TMC1: variants seen among roughly 807,000 people sequenced by gnomAD.
TMC1 encodes transmembrane channel-like protein 1.
Under a neutral mutation model 105.8 loss-of-function variants are expected in TMC1, and 84 were observed. That is an observed-to-expected ratio of 0.79 (90% confidence interval 0.67 to 0.95). The LOEUF is 0.95. TMC1 is among the 40% of genes least tolerant of loss of function. The probability of loss-of-function intolerance (pLI) is 0.00; values close to 1 mark genes in which losing one functional copy is unlikely to be tolerated. For synonymous variants in TMC1, 315 were observed against 311.5 expected (o/e 1.01, Z -0.12); for missense variants, 817 against 914.1 (o/e 0.89, Z 1.37).
chr9:72,544,936 C>A (rs966409314), intron 1 of TMC1, among the ~76,000 whole-genome samples: 3 of 151,850 alleles, frequency 2.0e-5, no homozygotes, highest in Non-Finnish European at 2.9e-5. Context: ...TATCCTTCAC[C>A]CCCCCAAGTC....
At chr9:72,643,256 A>AT (rs969161476) in intron 4 of TMC1, among the ~76,000 whole-genome samples, 1 of 151,838 alleles carries the variant, frequency 6.6e-6, no homozygotes, top group African/African-American at 2.4e-5. Flanking sequence ...ACATACTCTC[A>AT]TTTGGGCCCA....
intron 23 of TMC1, among the ~76,000 whole-genome samples, chr9:72,833,885 C>T (rs532594049): frequency 8.5e-5 from 13 of 152,092 alleles, no homozygotes; most frequent in Non-Finnish European, 1.6e-4. Context: ...CTAGGGTCTC[C>T]TTATCTGCAT....
intron 5 of TMC1, among the ~76,000 whole-genome samples, chr9:72,666,692 TC>T (rs1432240780): frequency 6.6e-6 from 1 of 152,162 alleles, no homozygotes; most frequent in Non-Finnish European, 1.5e-5. Context: ...GCCCCTGCCT[TC>T]CCAGAAGCTT....
At chr9:72,652,780 G>T (rs1261331398) in intron 5 of TMC1, among the ~76,000 whole-genome samples, 1 of 152,160 alleles carries the variant, frequency 6.6e-6, no homozygotes, top group East Asian at 1.9e-4. Context: ...TAGATTCTAT[G>T]ACTTTTTGTA....
chr9:72,643,190 C>T (rs942496848), intron 4 of TMC1, among the ~76,000 whole-genome samples: 4 of 151,328 alleles, frequency 2.6e-5, no homozygotes, highest in African/African-American at 4.9e-5. Flanking sequence ...CCAACTTTCC[C>T]GCTTTTTTAG....
chr9:72,593,268 G>A (rs1039362890), intron 2 of TMC1, among the ~76,000 whole-genome samples: 1 of 152,206 alleles, frequency 6.6e-6, no homozygotes, highest in African/African-American at 2.4e-5. Flanking sequence ...GCGGAGTGTG[G>A]TGGCTCATGC....
intron 3 of TMC1, among the ~76,000 whole-genome samples, chr9:72,625,778 T>C (rs1164511004): frequency 2.0e-5 from 3 of 152,078 alleles, no homozygotes; most frequent in African/African-American, 7.2e-5. Flanking sequence ...GGGTTGTATA[T>C]TTTATAGGTG....
intron 1 of TMC1, among the ~76,000 whole-genome samples, chr9:72,526,167 A>G (rs2132053833): frequency 6.6e-6 from 1 of 152,248 alleles, no homozygotes; most frequent in Admixed American, 6.5e-5. Context: ...ACAGAAGGAG[A>G]GGATCTTGGA....
intron 1 of TMC1, 132 bp downstream of exon 1, chr9:72,522,045 C>T (rs1823320997): frequency 6.6e-6 from 1 of 152,172 alleles, no homozygotes; most frequent in Admixed American, 6.5e-5. Context: ...AACTATATTT[C>T]CTCTACTTTT....
intron 13 of TMC1, among the ~76,000 whole-genome samples, chr9:72,784,880 G>A (rs1175974085): frequency 6.6e-6 from 1 of 152,180 alleles, no homozygotes; most frequent in Non-Finnish European, 1.5e-5. Context: ...GTAAATGGAA[G>A]CTAAACATTG....
intron 17 of TMC1, among the ~76,000 whole-genome samples, chr9:72,795,830 C>G (rs1033680806): frequency 6.6e-6 from 1 of 151,472 alleles, no homozygotes; most frequent in African/African-American, 2.4e-5. Flanking sequence ...GCTAAATGCT[C>G]CATTTAAAAG....
At chr9:72,828,610 A>T (rs1828995838) in intron 21 of TMC1, among the ~76,000 whole-genome samples, 1 of 152,246 alleles carries the variant, frequency 6.6e-6, no homozygotes, top group South Asian at 2.1e-4. Context: ...TACTATTTAC[A>T]CACTGACTCA....
In TMC1 at chr9:72,668,104, C is replaced by T. The variant is rs114250292; in HGVS notation, c.16+19440C>T. 3.6e-3 allele frequency among the ~76,000 whole-genome samples: 543 copies of T among 152,268 alleles called. 3 individuals carry two copies. The highest frequency in any genetic ancestry group is 0.011 in the African/African-American group (476 of 41,544). On this transcript the variant is annotated intron_variant, in intron 5 of 23. Coordinates refer to ENST00000297784, the MANE Select transcript of TMC1 (RefSeq NM_138691.3). ...AAATATCCTTTTTTACTTTATAGCTCTCCAGATTTCATTAGATTAGTATAG... is the reference window on the plus strand; with the variant it reads ...AAATATCCTTTTTTACTTTATAGCTTTCCAGATTTCATTAGATTAGTATAG...
chr9:72,693,601 T>C (rs1826503851), intron 6 of TMC1, among the ~76,000 whole-genome samples: 1 of 152,176 alleles, frequency 6.6e-6, no homozygotes, highest in Admixed American at 6.5e-5. Context: ...CATTGAAATA[T>C]AATTTTTTCT....
chr9:72,682,819 G>T (rs1826309623), intron 5 of TMC1, among the ~76,000 whole-genome samples: 1 of 152,156 alleles, frequency 6.6e-6, no homozygotes, highest in African/African-American at 2.4e-5. Context: ...TTGGCTCATG[G>T]TTCTGCAGGC....
chr9:72,533,961 C>T (rs908333043), intron 1 of TMC1, among the ~76,000 whole-genome samples: 3 of 151,958 alleles, frequency 2.0e-5, no homozygotes, highest in Admixed American at 1.3e-4. Flanking sequence ...GGTGAAACTC[C>T]ATCTCTATTG....
chr9:72,780,661 C>T (rs1278297664), intron 13 of TMC1, among the ~76,000 whole-genome samples: 1 of 151,976 alleles, frequency 6.6e-6, no homozygotes, highest in Non-Finnish European at 1.5e-5. Flanking sequence ...AAGAGAAGAG[C>T]CTGTTATTTT....
At chr9:72,571,017 A>G (rs1824273342) in intron 1 of TMC1, among the ~76,000 whole-genome samples, 1 of 146,178 alleles carries the variant, frequency 6.8e-6, no homozygotes, top group African/African-American at 2.5e-5. Context: ...ATAATTTTTC[A>G]GATATAGAAA....
intron 13 of TMC1, among the ~76,000 whole-genome samples, chr9:72,787,303 G>T (rs1372569660): frequency 6.6e-6 from 1 of 152,126 alleles, no homozygotes; most frequent in Non-Finnish European, 1.5e-5. Context: ...AAGGAATAAT[G>T]ATCTGTAATT....
Sources: allele counts gnomAD v4.1 joint callset (sites outside exome capture counted in the v4.1 genomes callset), GRCh38; gene constraint gnomAD v4.1.1; transcripts MANE v1.5; gene names NCBI Gene and HGNC (gene_info 2026-07-23, HGNC 2026-07-21).